Variants in ADAMTS2 observed in about 807,000 individuals in gnomAD.
The protein encoded by ADAMTS2 is ADAM metallopeptidase with thrombospondin type 1 motif 2.
ADAMTS2 carries 50 observed loss-of-function variants against 123.0 expected under a neutral mutation model. The ratio of observed to expected loss-of-function variants is 0.41; its 90% CI spans 0.32 to 0.51. ADAMTS2 has a LOEUF of 0.51. Ranked by LOEUF, ADAMTS2 falls within the 20% of genes least tolerant of loss-of-function variation. The pLI, the probability that ADAMTS2 is intolerant of heterozygous loss-of-function variation, is 0.35. For missense variants in ADAMTS2, 1,494 were observed against 1,705.2 expected, an observed-to-expected ratio of 0.88 and a Z score of 2.18; for synonymous variants, 678 against 695.4, an observed-to-expected ratio of 0.98 and a Z score of 0.39.
chr5:179,328,095 C>T (rs756082509), intron 2 of ADAMTS2, among the ~76,000 whole-genome samples: 6 of 152,210 alleles, frequency 3.9e-5, no homozygotes, highest in East Asian at 1.9e-4. Context: ...GTGGTGCAAG[C>T]GATCTGAGCT....
At position 179,137,854 on chromosome 5, in the gene ADAMTS2, G is replaced by A. The variant is rs756107603; in HGVS notation, c.1866C>T (p.Phe622=). 1.3e-6 allele frequency: 2 copies of A among 1,566,546 alleles called. No individual in the cohort carries two copies. The highest frequency in any genetic ancestry group is 2.4e-5 in the East Asian group (1 of 41,832). Residue 622 remains phenylalanine, a synonymous_variant, in exon 12 of 22, where the codon TTC becomes TTT. Coordinates refer to ENST00000251582, the MANE Select transcript of ADAMTS2 (RefSeq NM_014244.5). ...CCCACTGGCGGCACTGCTCCTCGCG[G>A]AAGTCAGCCAGGGAGTCGGGGCAGT... ...RQDCPDSLAD[F]REEQCRQWDL... is the part of the protein sequence containing the mutation.
intron 4 of ADAMTS2, among the ~76,000 whole-genome samples, chr5:179,183,437 C>T (rs1023586362): frequency 6.6e-6 from 1 of 152,198 alleles, no homozygotes; most frequent in Admixed American, 6.5e-5. Context: ...ACAGAACAGT[C>T]CTGACATCTG....
Position 179,126,031 on chromosome 5 carries a change from C to G in ADAMTS2, c.2717G>C (p.Arg906Thr). The change falls in exon 18 of 22, where the codon AGA becomes ACA. Residue 906 changes from arginine (R) to threonine (T), a missense_variant. Transcript: ENST00000251582. ...AALSKPKAIR[R>T]ACNPQECSQP... Reference sequence around the variant, plus strand: ...GGAGCATTCCTGTGGGTTGCACGCTCTGCGGATGGCTTTGGGCTTCGAGAG... The same window carrying G: ...GGAGCATTCCTGTGGGTTGCACGCTGTGCGGATGGCTTTGGGCTTCGAGAG... 1 of 1,613,458 alleles carries G rather than the reference C, an allele frequency of 6.2e-7. No individual in the cohort carries two copies. The highest frequency in any genetic ancestry group is 8.5e-7 in the Non-Finnish European group (1 of 1,180,030).
At chr5:179,119,867 G>A (rs1240275064) in intron 21 of ADAMTS2, among the ~76,000 whole-genome samples, 2 of 152,046 alleles carry the variant, frequency 1.3e-5, no homozygotes, top group Non-Finnish European at 2.9e-5. Context: ...TTTTCCTGAC[G>A]AGGAGACCTC....
At chr5:179,217,854 GGTA>G (rs1194700405) in intron 3 of ADAMTS2, among the ~76,000 whole-genome samples, 92 of 47,058 alleles carry the variant, frequency 2.0e-3, no homozygotes, top group African/African-American at 0.011. Flanking sequence ...ACACTCACTA[GGTA>G]GGGGATGGCC....
intron 2 of ADAMTS2, among the ~76,000 whole-genome samples, chr5:179,315,112 ACTCT>A (rs535013876): frequency 2.7e-5 from 3 of 111,978 alleles, no homozygotes; most frequent in South Asian, 2.9e-4. Flanking sequence ...GGCCTCACTC[ACTCT>A]CTCTCTTCTG....
chr5:179,195,154 T>C (rs153131), intron 4 of ADAMTS2, among the ~76,000 whole-genome samples: 47,788 of 152,110 alleles, frequency 0.31, 9,205 homozygotes, highest in East Asian at 0.41. Flanking sequence ...TCCTGTGCTC[T>C]GAGCTCCCCC....
rs1407903863 is a variant in ADAMTS2 at position 179,113,423 on chromosome 5, G to A, written c.*444C>T. 4.4e-6 allele frequency: 1 copy of A among 228,736 alleles called. No individual in the cohort carries two copies. The highest frequency in any genetic ancestry group is 1.0e-4 in the East Asian group (1 of 9,618). The allele number at this position is 228,736 out of a possible 1,614,324, so 14.2% of individuals were successfully genotyped here. ...ACTTCATTGTACTCATCTCGGCAACGGGTCAGTTATTCAGTAAATCACCAT... is the reference window on the plus strand; with the variant it reads ...ACTTCATTGTACTCATCTCGGCAACAGGTCAGTTATTCAGTAAATCACCAT... On this transcript the variant is annotated 3_prime_UTR_variant, in exon 22 of 22. Coordinates refer to ENST00000251582, the MANE Select transcript of ADAMTS2 (RefSeq NM_014244.5).
intron 4 of ADAMTS2, among the ~76,000 whole-genome samples, chr5:179,183,862 C>T (rs1158323178): frequency 6.6e-6 from 1 of 152,154 alleles, no homozygotes; most frequent in Non-Finnish European, 1.5e-5. Context: ...GGGTGGGACC[C>T]TCATGATAGG....
Position 179,122,736 on chromosome 5 carries a change from G to A in ADAMTS2, c.2996C>T (p.Pro999Leu). The change falls in exon 20 of 22, where the codon CCA becomes CTA. Residue 999 changes from proline to leucine, a missense_variant. Pro to Leu is a moderately conservative substitution (Grantham distance 98). This residue lies in a region of ADAMTS2 where 953 missense variants were observed against 1,124.7 expected (regional missense o/e 0.85). Coordinates refer to ENST00000251582, the MANE Select transcript of ADAMTS2 (RefSeq NM_014244.5). ...VTCGNGTQER[P>L]VLCRTADDSF... ...GTCGTCCGCGGTGCGGCAGAGCACT[G>A]GCCGCTCCTGGGTGCCGTTGCCACA... The A allele has an allele frequency of 6.4e-7, 1 of 1,553,590 alleles. No homozygotes were observed. The highest frequency in any genetic ancestry group is 8.7e-7 in the Non-Finnish European group (1 of 1,148,834).
intron 2 of ADAMTS2, among the ~76,000 whole-genome samples, chr5:179,302,464 G>C (rs1283417588): frequency 6.6e-6 from 1 of 151,250 alleles, no homozygotes; most frequent in Non-Finnish European, 1.5e-5. Flanking sequence ...CTCTGCGGAG[G>C]CAGAGCTGCC....
At position 179,132,750 on chromosome 5, in the gene ADAMTS2, C is replaced by T; in HGVS notation, c.2209+27G>A. 1.2e-6 allele frequency: 2 copies of T among 1,613,942 alleles called. No individual in the cohort carries two copies. Among genetic ancestry groups the T allele is most frequent in the Non-Finnish European group, 1.7e-6 (2 of 1,179,930 alleles). ...GAGCCTGCTGCAGGCATCCAGGCTC[C>T]AGGGTGGAGAGCAGGGACCCACTCA... On this transcript the variant is annotated intron_variant, in intron 14 of 21. Coordinates refer to ENST00000251582, the MANE Select transcript of ADAMTS2 (RefSeq NM_014244.5). The surrounding 1 kb of genome is among the most constrained non-coding windows in gnomAD (Gnocchi z 6.1).
intron 4 of ADAMTS2, among the ~76,000 whole-genome samples, chr5:179,184,575 G>A (rs184967590): frequency 1.3e-5 from 2 of 151,432 alleles, no homozygotes; most frequent in African/African-American, 2.4e-5. Flanking sequence ...GAGCCTAAGC[G>A]TGTAAATGTT....
At chr5:179,161,803 T>C (rs1734871294) in intron 5 of ADAMTS2, among the ~76,000 whole-genome samples, 1 of 152,092 alleles carries the variant, frequency 6.6e-6, no homozygotes, top group Admixed American at 6.5e-5. Flanking sequence ...ACCCCAGAAA[T>C]ATGTACAATT....
intron 2 of ADAMTS2, among the ~76,000 whole-genome samples, chr5:179,329,702 G>A (rs553314402): frequency 7.2e-5 from 11 of 152,226 alleles, no homozygotes; most frequent in South Asian, 2.1e-4. Flanking sequence ...ACACCAGCCC[G>A]GCAGAATAAA....
intron 5 of ADAMTS2, among the ~76,000 whole-genome samples, chr5:179,159,283 C>T (rs1052213555): frequency 3.3e-5 from 5 of 152,166 alleles, no homozygotes; most frequent in Non-Finnish European, 7.4e-5. Flanking sequence ...AAAGAGCTCA[C>T]AGTTTTGGGA....
Position 179,314,061 on chromosome 5 carries a change from C to T in ADAMTS2, c.534+29706G>A, listed in dbSNP as rs968604105. Among the ~76,000 whole-genome samples the T allele has an allele frequency of 1.4e-5, 2 of 140,214 alleles. No individual in the cohort carries two copies. The highest frequency in any genetic ancestry group is 3.2e-5 in the Non-Finnish European group (2 of 62,658). The allele number at this position is 140,214 out of a possible 152,430, so 92.0% of individuals were successfully genotyped here. On this transcript the variant is annotated intron_variant, in intron 2 of 21. Coordinates refer to ENST00000251582, the MANE Select transcript of ADAMTS2 (RefSeq NM_014244.5). This position sits in a 1 kb window ranked among gnomAD's most constrained non-coding sequence, Gnocchi z 4.5. Reference sequence around the variant, plus strand: ...TCCCAGGCAGAACCTGATGGTGGGGCGGGGGGGTTCCTCACACACCCCACA... The same window carrying T: ...TCCCAGGCAGAACCTGATGGTGGGGTGGGGGGGTTCCTCACACACCCCACA...
chr5:179,320,127 C>G (rs893807724), intron 2 of ADAMTS2, among the ~76,000 whole-genome samples: 1 of 152,256 alleles, frequency 6.6e-6, no homozygotes, highest in African/African-American at 2.4e-5. Context: ...CCTGCCCTGC[C>G]TGGTGAGGGA....
intron 5 of ADAMTS2, among the ~76,000 whole-genome samples, chr5:179,166,228 G>T (rs1248177298): frequency 6.6e-6 from 1 of 152,176 alleles, no homozygotes; most frequent in African/African-American, 2.4e-5. Flanking sequence ...AGGCCCCTGG[G>T]GCCCTCCCAC....
Sources: allele counts gnomAD v4.1 joint callset (sites outside exome capture counted in the v4.1 genomes callset), GRCh38; gene constraint gnomAD v4.1.1; regional missense constraint gnomAD v4.1.1; non-coding constraint Gnocchi (gnomAD v3.1); transcripts MANE v1.5; gene names NCBI Gene and HGNC (gene_info 2026-07-23, HGNC 2026-07-21).